The following NUBPL variants were observed in gnomAD, a reference collection of about 807,000 sequenced individuals.
NUBPL encodes iron-sulfur cluster transfer protein NUBPL.
NUBPL carries 31 observed loss-of-function variants against 45.7 expected under a neutral mutation model. That is an observed-to-expected ratio of 0.68 (90% CI 0.51 to 0.92). NUBPL has a LOEUF of 0.92. NUBPL is among the 40% of genes least tolerant of loss of function. NUBPL has a pLI of 0.00. For missense variants in NUBPL, 401 were observed against 398.7 expected (o/e 1.01, Z -0.05); for synonymous variants, 144 against 140.9 (o/e 1.02, Z -0.15).
intron 6 of NUBPL, among the ~76,000 whole-genome samples, chr14:31,710,498 C>T (rs528943018): frequency 7.5e-4 from 114 of 152,256 alleles, no homozygotes; most frequent in African/African-American, 1.5e-3. Context: ...CCCTTACTGA[C>T]GCATTCTCGA....
At chr14:31,799,177 A>G (rs970766172) in intron 7 of NUBPL, among the ~76,000 whole-genome samples, 3 of 152,182 alleles carry the variant, frequency 2.0e-5, no homozygotes, top group South Asian at 2.1e-4. Flanking sequence ...CAGAAAGTGC[A>G]GTATTCTGAG....
At chr14:31,710,128 G>GA (rs1025380051) in intron 6 of NUBPL, among the ~76,000 whole-genome samples, 2 of 151,922 alleles carry the variant, frequency 1.3e-5, no homozygotes, top group African/African-American at 4.8e-5. Flanking sequence ...CTGTAGCACA[G>GA]AAAAAAAATG....
intron 7 of NUBPL, among the ~76,000 whole-genome samples, chr14:31,816,923 A>G (rs1368979574): frequency 6.6e-6 from 1 of 151,802 alleles, no homozygotes; most frequent in Non-Finnish European, 1.5e-5. Flanking sequence ...ATTCTTTTGC[A>G]TTTGCTCAGG....
intron 6 of NUBPL, among the ~76,000 whole-genome samples, chr14:31,679,698 T>C (rs917716634): frequency 5.9e-5 from 9 of 152,214 alleles, no homozygotes; most frequent in African/African-American, 2.2e-4. Flanking sequence ...AATGTGCATT[T>C]TCCAACTGTG....
intron 7 of NUBPL, among the ~76,000 whole-genome samples, chr14:31,789,436 A>G (rs1005637313): frequency 6.6e-6 from 1 of 152,174 alleles, no homozygotes; most frequent in Non-Finnish European, 1.5e-5. Context: ...AAGTCAAGAA[A>G]GCAATAAACA....
intron 4 of NUBPL, among the ~76,000 whole-genome samples, chr14:31,623,826 T>C (rs1305241911): frequency 6.6e-6 from 1 of 152,218 alleles, no homozygotes; most frequent in Non-Finnish European, 1.5e-5. Context: ...TTGGGCATGG[T>C]TAAAGTAAAA....
At chr14:31,570,393 A>C (rs752322576) in intron 3 of NUBPL, among the ~76,000 whole-genome samples, 1 of 152,208 alleles carries the variant, frequency 6.6e-6, no homozygotes, top group Non-Finnish European at 1.5e-5. Context: ...CAAAAGGAAG[A>C]CAAATGTTTT....
intron 4 of NUBPL, among the ~76,000 whole-genome samples, chr14:31,633,191 T>C (rs932245277): frequency 6.6e-6 from 1 of 152,206 alleles, no homozygotes; most frequent in Non-Finnish European, 1.5e-5. Context: ...AGGTGCATAG[T>C]GCATGGCCTT....
chr14:31,644,870 G>T (rs1259821704), intron 4 of NUBPL, among the ~76,000 whole-genome samples: 1 of 151,902 alleles, frequency 6.6e-6, no homozygotes, highest in East Asian at 1.9e-4. Flanking sequence ...ATATCTTCTT[G>T]GTAATTGACC....
Position 31,688,652 on chromosome 14 carries a change from G to GTTTTTTTTTTTTT in NUBPL, c.513+15080_513+15081insTTTTTTTTTTTTT, listed in dbSNP as rs552419842. 3.0e-5 allele frequency among the ~76,000 whole-genome samples: 3 copies of GTTTTTTTTTTTTT among 99,158 alleles called. 1 individual carries two copies. The highest frequency in any genetic ancestry group is 1.2e-4 in the African/African-American group (3 of 24,776). 65.1% of individuals were successfully genotyped at this position (99,158 alleles called of 152,430 possible). ...AGGCTATCTGCCTGAACAGGTTTTT[G>GTTTTTTTTTTTTT]TTGTTGTTTTTTTTTTTTTTTAACT... is the stretch of plus-strand genomic sequence containing the variant. On this transcript the variant is annotated intron_variant, in intron 6 of 10. Transcript: ENST00000281081.
At chr14:31,846,129 C>G (rs1305930998) in intron 8 of NUBPL, 1 of 326,476 alleles carries the variant, frequency 3.1e-6, no homozygotes, top group East Asian at 8.4e-5. Flanking sequence ...TTCCTTCTGT[C>G]TAGAATTCCT....
intron 6 of NUBPL, among the ~76,000 whole-genome samples, chr14:31,703,999 T>A (rs1305050043): frequency 3.9e-5 from 6 of 152,228 alleles, no homozygotes; most frequent in Non-Finnish European, 8.8e-5. Flanking sequence ...AAGAGCCCTC[T>A]CCTGCCTTGC....
At chr14:31,719,537 C>T (rs2037763554) in intron 6 of NUBPL, among the ~76,000 whole-genome samples, 1 of 151,992 alleles carries the variant, frequency 6.6e-6, no homozygotes, top group Non-Finnish European at 1.5e-5. Flanking sequence ...TTTAGTCTCC[C>T]ATAAAGAACT....
At chr14:31,739,690 A>C (rs1400167986) in intron 6 of NUBPL, among the ~76,000 whole-genome samples, 2 of 152,176 alleles carry the variant, frequency 1.3e-5, no homozygotes, top group African/African-American at 4.8e-5. Flanking sequence ...TGTAGTTTAC[A>C]TTAGAGTTCA....
chr14:31,810,305 A>C (rs1046186938), intron 7 of NUBPL, among the ~76,000 whole-genome samples: 1 of 152,106 alleles, frequency 6.6e-6, no homozygotes, highest in Non-Finnish European at 1.5e-5. Flanking sequence ...GTGCTCCTGT[A>C]TTGGGTGCAT....
intron 7 of NUBPL, among the ~76,000 whole-genome samples, chr14:31,809,580 T>C (rs2039759801): frequency 6.6e-6 from 1 of 152,168 alleles, no homozygotes; most frequent in East Asian, 1.9e-4. Flanking sequence ...CCTGGATTCA[T>C]TGATTTTTTG....
intron 8 of NUBPL, among the ~76,000 whole-genome samples, chr14:31,829,213 T>G (rs1288019745): frequency 2.0e-5 from 3 of 152,202 alleles, no homozygotes. Flanking sequence ...AAATTTATAG[T>G]TCTTTCCTCT....
chr14:31,695,133 G>A (rs1157182364), intron 6 of NUBPL, among the ~76,000 whole-genome samples: 3 of 152,164 alleles, frequency 2.0e-5, no homozygotes, highest in African/African-American at 7.2e-5. Context: ...CTCATTTAAG[G>A]TCCATGTCAT....
intron 3 of NUBPL, among the ~76,000 whole-genome samples, chr14:31,598,440 A>G (rs538292623): frequency 1.2e-4 from 18 of 152,302 alleles, no homozygotes; most frequent in African/African-American, 4.3e-4. Flanking sequence ...ATATCGTGTT[A>G]GGGTTCTGTT....
Sources: allele counts gnomAD v4.1 joint callset (sites outside exome capture counted in the v4.1 genomes callset), GRCh38; gene constraint gnomAD v4.1.1; transcripts MANE v1.5; gene names NCBI Gene and HGNC (gene_info 2026-07-23, HGNC 2026-07-21).